Variants in PDE8B observed in about 807,000 individuals in gnomAD.
The protein encoded by PDE8B is high affinity cAMP-specific and IBMX-insensitive 3',5'-cyclic phosphodiesterase 8B.
In PDE8B, 26 loss-of-function variants were observed where a neutral mutation model predicts 101.3. The observed-to-expected ratio is 0.26, with a 90% CI of 0.19 to 0.36. The LOEUF is 0.36. Among genes scored for constraint, PDE8B ranks in the 10% least tolerant of loss-of-function variants. The pLI is 1.00. For missense variants in PDE8B, 810 were observed against 1,163.1 expected, an observed-to-expected ratio of 0.70 and a Z score of 4.42; for synonymous variants, 424 against 429.3, an observed-to-expected ratio of 0.99 and a Z score of 0.15.
At chr5:77,102,496 G>A in the PDE8B span, among the ~76,000 whole-genome samples, 7 of 152,196 alleles carry the variant, frequency 4.6e-5, no homozygotes, top group African/African-American at 1.2e-4. Context: ...AATGAAGTGA[G>A]TTGCATCAAA....
Position 77,278,856 on chromosome 5 carries a change from T to G in PDE8B, c.340-33138T>G, listed in dbSNP as rs971687527. ...TCAATTTTTTACGCTTTTTATCTTT[T>G]TCTTGACAAATACTAGTTTAAGTTG... On this transcript the variant is annotated intron_variant, in intron 1 of 21. Coordinates refer to ENST00000264917, the MANE Select transcript of PDE8B (RefSeq NM_003719.5). 1.3e-5 allele frequency among the ~76,000 whole-genome samples: 2 copies of G among 152,194 alleles called. 1 individual carries two copies. The highest frequency in any genetic ancestry group is 1.3e-4 in the Admixed American group (2 of 15,278).
intron 1 of PDE8B, among the ~76,000 whole-genome samples, chr5:77,248,703 G>A (rs957111829): frequency 5.9e-5 from 9 of 152,186 alleles, no homozygotes; most frequent in Non-Finnish European, 8.8e-5. Flanking sequence ...TTTACACATC[G>A]TATGTGGTGC....
intron 1 of PDE8B, among the ~76,000 whole-genome samples, chr5:77,260,645 T>A (rs940603358): frequency 2.8e-5 from 4 of 143,910 alleles, no homozygotes; most frequent in African/African-American, 1.0e-4. Context: ...TGGAGTGCAA[T>A]GGTGCAATCT....
At chr5:77,272,630 A>G (rs1173775120) in intron 1 of PDE8B, among the ~76,000 whole-genome samples, 2 of 152,196 alleles carry the variant, frequency 1.3e-5, no homozygotes, top group South Asian at 2.1e-4. Context: ...TGTGGCTGGT[A>G]TGTGATCTTT....
intron 1 of PDE8B, among the ~76,000 whole-genome samples, chr5:77,231,795 C>T (rs1753630392): frequency 6.6e-6 from 1 of 152,226 alleles, no homozygotes; most frequent in Non-Finnish European, 1.5e-5. Context: ...GGACTGTAGA[C>T]TGAGGGGCCC....
the PDE8B span, among the ~76,000 whole-genome samples, chr5:77,104,266 G>A: frequency 2.0e-5 from 3 of 152,176 alleles, no homozygotes; most frequent in African/African-American, 7.2e-5. Context: ...TGCCGGGAGG[G>A]AGCTCAGTAT....
At chr5:77,132,288 C>G in the PDE8B span, among the ~76,000 whole-genome samples, 5 of 152,178 alleles carry the variant, frequency 3.3e-5, no homozygotes, top group Admixed American at 1.3e-4. Context: ...ACATTTCCTC[C>G]ATATTGCTAA....
the PDE8B span, among the ~76,000 whole-genome samples, chr5:77,163,233 T>C: frequency 6.6e-6 from 1 of 151,916 alleles, no homozygotes; most frequent in African/African-American, 2.4e-5. Context: ...TGAGAGGGAG[T>C]TGGAGAAATG....
the PDE8B span, among the ~76,000 whole-genome samples, chr5:77,122,198 T>C: frequency 6.6e-6 from 1 of 152,212 alleles, no homozygotes. Context: ...TGTAAAGTCA[T>C]GATCACTGCG....
At chr5:77,223,150 A>G (rs1751546206) in intron 1 of PDE8B, among the ~76,000 whole-genome samples, 3 of 152,306 alleles carry the variant, frequency 2.0e-5, no homozygotes, top group Admixed American at 2.0e-4. Flanking sequence ...GTACATGTTC[A>G]CTTAACCAGT....
At chr5:77,218,903 T>C (rs1750416909) in intron 1 of PDE8B, among the ~76,000 whole-genome samples, 1 of 152,236 alleles carries the variant, frequency 6.6e-6, no homozygotes, top group African/African-American at 2.4e-5. Context: ...TATCCGACAC[T>C]TTCAAGTACA....
chr5:77,180,365 G>C, the PDE8B span: 1 of 827,944 alleles, frequency 1.2e-6, no homozygotes, highest in African/African-American at 1.8e-5. Context: ...TGGGGTGCAG[G>C]GTGCGCCAGG....
chr5:77,151,404 A>C, the PDE8B span: 2 of 152,234 alleles, frequency 1.3e-5, no homozygotes, highest in South Asian at 4.1e-4. Flanking sequence ...AGACTCAGGG[A>C]TTTTTATACA....
chr5:77,403,110 ATG>A, intron 11 of PDE8B, among the ~76,000 whole-genome samples: 1 of 152,254 alleles, frequency 6.6e-6, no homozygotes, highest in East Asian at 1.9e-4. Context: ...TGCGCTGAAA[ATG>A]TGTGTTTCTG....
chr5:77,127,843 A>G, the PDE8B span, among the ~76,000 whole-genome samples: 1 of 152,174 alleles, frequency 6.6e-6, no homozygotes, highest in South Asian at 2.1e-4. Context: ...ATCCTATCCC[A>G]GCTCTTAAGA....
intron 1 of PDE8B, among the ~76,000 whole-genome samples, chr5:77,287,426 GTATTTTTTTTTCTTCA>G (rs1766255114): frequency 6.6e-6 from 1 of 151,328 alleles, no homozygotes; most frequent in Admixed American, 6.6e-5. Context: ...ATGCACTTAG[GTATTTTTTTTTCTTCA>G]TATTTTTTTT....
chr5:77,378,364 C>T, intron 10 of PDE8B, among the ~76,000 whole-genome samples: 1 of 146,068 alleles, frequency 6.8e-6, no homozygotes, highest in Non-Finnish European at 1.5e-5. Flanking sequence ...GAGGCTGAGG[C>T]AGGAGAATCG....
At chr5:77,367,351 T>A (rs185809232) in intron 10 of PDE8B, among the ~76,000 whole-genome samples, 60 of 152,232 alleles carry the variant, frequency 3.9e-4, no homozygotes, top group African/African-American at 1.4e-3. Flanking sequence ...AAGCAGATGC[T>A]GCAGCCAGTG....
At chr5:77,305,449 A>G (rs1456678644) in intron 1 of PDE8B, among the ~76,000 whole-genome samples, 1 of 152,184 alleles carries the variant, frequency 6.6e-6, no homozygotes, top group Admixed American at 6.5e-5. Flanking sequence ...AGCGCCAGCC[A>G]GCAGGGCCCA....
Sources: allele counts gnomAD v4.1 joint callset (sites outside exome capture counted in the v4.1 genomes callset), GRCh38; gene constraint gnomAD v4.1.1; transcripts MANE v1.5; gene names NCBI Gene and HGNC (gene_info 2026-07-23, HGNC 2026-07-21).